LCORL: variants seen among roughly 807,000 people sequenced by gnomAD.
The protein encoded by LCORL is ligand dependent nuclear receptor corepressor like.
In LCORL, 41 loss-of-function variants were observed where a neutral mutation model predicts 141.8. The observed-to-expected ratio is 0.29, with a 90% CI of 0.23 to 0.38. The LOEUF (loss-of-function observed/expected upper bound fraction) is 0.38, where lower values mean the gene tolerates loss of function less well. Among genes scored for constraint, LCORL ranks in the 10% least tolerant of loss-of-function variants. The pLI is 1.00. For synonymous variants in LCORL, 618 were observed against 694.1 expected, an observed-to-expected ratio of 0.89 and a Z score of 1.72; for missense variants, 1,759 against 2,035.0, an observed-to-expected ratio of 0.86 and a Z score of 2.61.
chr4:17,870,325 CTCTTT>C (rs910024260), intron 7 of LCORL, among the ~76,000 whole-genome samples: 1 of 152,038 alleles, frequency 6.6e-6, no homozygotes, highest in Non-Finnish European at 1.5e-5. Context: ...GCTGCTTGCT[CTCTTT>C]TGTCATCCAA....
chr4:17,996,338 A>G (rs1425340654), intron 1 of LCORL, among the ~76,000 whole-genome samples: 1 of 152,126 alleles, frequency 6.6e-6, no homozygotes, highest in African/African-American at 2.4e-5. Flanking sequence ...AAAGGACAAA[A>G]TCTGGGGTTA....
intron 5 of LCORL, among the ~76,000 whole-genome samples, chr4:17,905,463 A>G (rs1401399322): frequency 6.6e-6 from 1 of 152,046 alleles, no homozygotes; most frequent in Non-Finnish European, 1.5e-5. Flanking sequence ...TTTTGCATCT[A>G]GGTTTGTAAG....
chr4:18,006,572 T>C (rs1722849966), intron 1 of LCORL, among the ~76,000 whole-genome samples: 1 of 152,148 alleles, frequency 6.6e-6, no homozygotes, highest in Non-Finnish European at 1.5e-5. Flanking sequence ...GATTTACAGT[T>C]TGAAGTGGCT....
rs1381509452 is a variant in LCORL at position 18,021,528 on chromosome 4, C to T, written c.154+70G>A. On this transcript the variant is annotated intron_variant, in intron 1 of 7. Transcript: ENST00000635767. The surrounding 1 kb of genome is among the most constrained non-coding windows in gnomAD (Gnocchi z 5.5). Reference sequence around the variant, plus strand: ...CGGGAGATTCAACTAAACCCCTCAGCCACAAACTCCTCGGGCTGCGACAGC... The same window carrying T: ...CGGGAGATTCAACTAAACCCCTCAGTCACAAACTCCTCGGGCTGCGACAGC... The T allele has an allele frequency of 4.3e-6, 6 of 1,386,898 alleles. No individual in the cohort carries two copies. Among genetic ancestry groups the T allele is most frequent in the Non-Finnish European group, 5.8e-6 (6 of 1,033,236 alleles). 85.9% of individuals were successfully genotyped at this position (1,386,898 alleles called of 1,614,324 possible).
At chr4:17,871,123 G>A (rs889063732) in intron 7 of LCORL, among the ~76,000 whole-genome samples, 2 of 150,720 alleles carry the variant, frequency 1.3e-5, no homozygotes, top group African/African-American at 2.4e-5. Context: ...TTTCCAAAAA[G>A]GCAAAAAGAA....
intron 7 of LCORL, 90 bp from the exon 8 acceptor site, chr4:17,845,991 T>C (rs1292250515): frequency 1.9e-6 from 2 of 1,052,720 alleles, no homozygotes; most frequent in Non-Finnish European, 2.8e-6. Context: ...GTAGTAGTGT[T>C]TGGACCTCTA....
intron 7 of LCORL, among the ~76,000 whole-genome samples, chr4:17,855,120 A>C (rs773812822): frequency 5.9e-5 from 9 of 152,138 alleles, no homozygotes; most frequent in Non-Finnish European, 1.2e-4. Flanking sequence ...TTTTAATAGA[A>C]TGGAAATGAA....
intron 7 of LCORL, among the ~76,000 whole-genome samples, chr4:17,849,602 TA>T (rs1723378984): frequency 6.6e-6 from 1 of 152,120 alleles, no homozygotes; most frequent in African/African-American, 2.4e-5. Flanking sequence ...CTGGAAACTC[TA>T]AAAAGCAGAG....
intron 7 of LCORL, among the ~76,000 whole-genome samples, chr4:17,854,339 TAAG>T (rs1487745909): frequency 6.6e-6 from 1 of 152,082 alleles, no homozygotes; most frequent in Admixed American, 6.6e-5. Context: ...GGACACATAA[TAAG>T]GACACAATAA....
chr4:17,907,734 A>G (rs1309563822), intron 5 of LCORL, among the ~76,000 whole-genome samples: 1 of 152,128 alleles, frequency 6.6e-6, no homozygotes. Context: ...AAAGCTCATC[A>G]GCTATAGTCA....
intron 4 of LCORL, among the ~76,000 whole-genome samples, chr4:17,941,305 T>C (rs535074177): frequency 7.2e-5 from 11 of 152,142 alleles, no homozygotes; most frequent in Non-Finnish European, 5.9e-5. Flanking sequence ...ATATACACTA[T>C]ATGCATATAT....
chr4:17,912,343 C>G (rs1200451690), intron 4 of LCORL: 1 of 672,026 alleles, frequency 1.5e-6, no homozygotes, highest in Admixed American at 1.8e-5. Context: ...CATGAAGAAC[C>G]ATGAAGAGGA....
At chr4:17,856,126 A>T (rs910469301) in intron 7 of LCORL, among the ~76,000 whole-genome samples, 2 of 152,202 alleles carry the variant, frequency 1.3e-5, no homozygotes, top group African/African-American at 4.8e-5. Context: ...TTACTCCATT[A>T]AAATAGCACT....
At chr4:17,948,620 T>C (rs1739252853) in intron 4 of LCORL, among the ~76,000 whole-genome samples, 1 of 151,990 alleles carries the variant, frequency 6.6e-6, no homozygotes, top group South Asian at 2.1e-4. Context: ...TCTATCACTA[T>C]GATGTGAGAG....
intron 7 of LCORL, among the ~76,000 whole-genome samples, chr4:17,863,161 C>A (rs1462117593): frequency 6.6e-6 from 1 of 152,078 alleles, no homozygotes; most frequent in Admixed American, 6.5e-5. Context: ...ACTAAAGATA[C>A]AATAATTAGC....
At chr4:17,904,481 T>C (rs1212939537) in intron 5 of LCORL, among the ~76,000 whole-genome samples, 1 of 152,114 alleles carries the variant, frequency 6.6e-6, no homozygotes, top group Non-Finnish European at 1.5e-5. Flanking sequence ...ACTTCTTCCC[T>C]ACTTTGAATT....
In LCORL at chr4:17,875,739, AT is replaced by A. The variant is rs1351091814; in HGVS notation, c.3250del (p.Ile1084Ter). The A allele has an allele frequency of 5.7e-6, 7 of 1,228,194 alleles. No homozygotes were observed. Among genetic ancestry groups the A allele is most frequent in the African/African-American group, 1.6e-5 (1 of 64,082 alleles). 76.1% of individuals were successfully genotyped at this position (1,228,194 alleles called of 1,614,324 possible). On this transcript the variant is annotated frameshift_variant, in exon 7 of 8. Coordinates refer to ENST00000635767, the Ensembl canonical transcript of LCORL. LOFTEE classifies it high-confidence loss of function. ...AATCTGTTTCACAACTTGGGGACCT[AT>A]TTTTTTTGGTCTACCTGGTTTTCTT...
chr4:17,927,164 G>A (rs907680055), intron 4 of LCORL, among the ~76,000 whole-genome samples: 1 of 152,158 alleles, frequency 6.6e-6, no homozygotes, highest in African/African-American at 2.4e-5. Flanking sequence ...TTCATGTAAT[G>A]GAGACAGCTT....
intron 7 of LCORL, among the ~76,000 whole-genome samples, chr4:17,868,013 TA>T (rs1003860285): frequency 1.3e-5 from 2 of 152,116 alleles, no homozygotes; most frequent in African/African-American, 2.4e-5. Flanking sequence ...GGGTTGGGTG[TA>T]AAAAAATTCC....
Sources: gnomAD v4.1 joint callset for allele counts (sites outside exome capture counted in the v4.1 genomes callset) on GRCh38, gnomAD v4.1.1 for gene constraint, Gnocchi (gnomAD v3.1) non-coding constraint, MANE v1.5 for transcripts, NCBI Gene and HGNC (gene_info 2026-07-23, HGNC 2026-07-21) for gene names.